THSD7B: variants seen among roughly 807,000 people sequenced by gnomAD.
THSD7B encodes thrombospondin type-1 domain-containing protein 7B.
Under a neutral mutation model 213.6 loss-of-function variants are expected in THSD7B, and 138 were observed. That is an observed-to-expected ratio of 0.65 (90% CI 0.56 to 0.74). The LOEUF (loss-of-function observed/expected upper bound fraction) is 0.74. Among genes scored for constraint, THSD7B ranks in the 30% least tolerant of loss-of-function variants. The pLI is 0.00. For missense variants in THSD7B, 1,931 were observed against 1,991.5 expected (o/e 0.97, Z 0.58); for synonymous variants, 742 against 687.0 (o/e 1.08, Z -1.25).
chr2:137,457,799 T>C (rs13406148), intron 15 of THSD7B, among the ~76,000 whole-genome samples: 33,545 of 152,160 alleles, frequency 0.22, 3,905 homozygotes, highest in South Asian at 0.28. Context: ...ATACTAAATG[T>C]ACCAGAGGAC....
At chr2:137,006,200 T>C (rs1394213253) in intron 2 of THSD7B, among the ~76,000 whole-genome samples, 3 of 152,098 alleles carry the variant, frequency 2.0e-5, no homozygotes, top group African/African-American at 7.2e-5. Context: ...GAGACCATCC[T>C]GGCTAACACG....
chr2:136,976,948 C>T (rs1415598805), intron 2 of THSD7B, among the ~76,000 whole-genome samples: 1 of 151,920 alleles, frequency 6.6e-6, no homozygotes, highest in Non-Finnish European at 1.5e-5. Flanking sequence ...TGTGCCTCTG[C>T]CAGGTTTTGG....
intron 1 of THSD7B, among the ~76,000 whole-genome samples, chr2:136,819,666 C>T (rs970850479): frequency 2.0e-5 from 3 of 151,940 alleles, no homozygotes; most frequent in Non-Finnish European, 4.4e-5. Context: ...GCTAGAGAGG[C>T]TCCTGAGGAC....
intron 1 of THSD7B, among the ~76,000 whole-genome samples, chr2:136,851,988 T>C (rs748190452): frequency 2.6e-5 from 4 of 151,842 alleles, no homozygotes; most frequent in African/African-American, 2.4e-5. Flanking sequence ...AAGACACTCA[T>C]ATCTTATTCC....
chr2:137,120,249 G>T (rs1688523213), intron 5 of THSD7B, among the ~76,000 whole-genome samples: 1 of 152,106 alleles, frequency 6.6e-6, no homozygotes. Context: ...AATCATAGGT[G>T]TAGGAGAAAG....
intron 15 of THSD7B, among the ~76,000 whole-genome samples, chr2:137,491,922 C>G (rs1679418087): frequency 6.6e-6 from 1 of 152,040 alleles, no homozygotes; most frequent in Non-Finnish European, 1.5e-5. Flanking sequence ...TTTATTAAAC[C>G]ATCAGTGATG....
At chr2:137,074,303 C>T (rs921480060) in intron 3 of THSD7B, among the ~76,000 whole-genome samples, 2 of 152,044 alleles carry the variant, frequency 1.3e-5, no homozygotes, top group African/African-American at 2.4e-5. Context: ...GGATAGTTAG[C>T]TCTTCTTGTT....
chr2:137,272,841 A>G (rs917086407), intron 11 of THSD7B, among the ~76,000 whole-genome samples, 179 bp downstream of exon 11: 6 of 152,156 alleles, frequency 3.9e-5, no homozygotes, highest in African/African-American at 1.4e-4. Flanking sequence ...AGGAGTAGAG[A>G]TATGAAAGTC....
At chr2:136,943,056 A>C (rs1468507637) in intron 2 of THSD7B, among the ~76,000 whole-genome samples, 3 of 152,210 alleles carry the variant, frequency 2.0e-5, no homozygotes, top group Non-Finnish European at 4.4e-5. Flanking sequence ...AGTTTTTAGC[A>C]TGAAAGGCTG....
chr2:137,139,439 G>A (rs79893740), intron 5 of THSD7B, among the ~76,000 whole-genome samples: 7,632 of 152,264 alleles, frequency 0.05, 222 homozygotes, highest in East Asian at 0.09. Context: ...GAGCCAATGT[G>A]ATACAGATGC....
At chr2:136,811,416 T>G (rs1006799968) in intron 1 of THSD7B, among the ~76,000 whole-genome samples, 1 of 152,092 alleles carries the variant, frequency 6.6e-6, no homozygotes, top group Non-Finnish European at 1.5e-5. Context: ...CTTCTTGCTT[T>G]GATGCTCTGC....
At chr2:137,538,577 T>C in intron 15 of THSD7B, 1 of 489,918 alleles carries the variant, frequency 2.0e-6, no homozygotes, top group Non-Finnish European at 4.0e-6. Flanking sequence ...AAACCAGCTT[T>C]TTTTCTCTTT....
chr2:137,465,506 A>G (rs1205117561), intron 15 of THSD7B, among the ~76,000 whole-genome samples: 2 of 152,106 alleles, frequency 1.3e-5, no homozygotes, highest in Admixed American at 1.3e-4. Flanking sequence ...TAATGGGCAG[A>G]TAAGACTGAG....
At chr2:137,654,506 TG>T (rs1434170429) in intron 21 of THSD7B, among the ~76,000 whole-genome samples, 1 of 152,060 alleles carries the variant, frequency 6.6e-6, no homozygotes, top group Non-Finnish European at 1.5e-5. Flanking sequence ...CTGAAGATGG[TG>T]GGGAAGCTGG....
chr2:137,020,531 C>T (rs1279866051), intron 2 of THSD7B, among the ~76,000 whole-genome samples: 3 of 152,132 alleles, frequency 2.0e-5, no homozygotes, highest in Non-Finnish European at 4.4e-5. Context: ...ACAGCAAGTT[C>T]GTCTGTGCCA....
At chr2:137,074,661 A>T (rs746363574) in intron 3 of THSD7B, among the ~76,000 whole-genome samples, 1 of 152,092 alleles carries the variant, frequency 6.6e-6, no homozygotes, top group African/African-American at 2.4e-5. Context: ...TCGTTGGTTG[A>T]TGCAGTTTCT....
chr2:137,295,166 T>C (rs776694345), intron 12 of THSD7B, among the ~76,000 whole-genome samples: 2 of 152,148 alleles, frequency 1.3e-5, no homozygotes, highest in Non-Finnish European at 2.9e-5. Flanking sequence ...GGAGTTATTA[T>C]AGAACAACAA....
chr2:136,980,262 G>A (rs1685551339), intron 2 of THSD7B, among the ~76,000 whole-genome samples: 1 of 152,208 alleles, frequency 6.6e-6, no homozygotes, highest in Non-Finnish European at 1.5e-5. Flanking sequence ...CCCGCTTAAA[G>A]AGCAGTCTGG....
chr2:137,305,855 C>T (rs1359156579), intron 12 of THSD7B, among the ~76,000 whole-genome samples: 1 of 152,070 alleles, frequency 6.6e-6, no homozygotes, highest in South Asian at 2.1e-4. Flanking sequence ...CTACTATACA[C>T]CTAAGGCTAT....
Sources: allele counts gnomAD v4.1 joint callset (sites outside exome capture counted in the v4.1 genomes callset), GRCh38; gene constraint gnomAD v4.1.1; transcripts MANE v1.5; gene names NCBI Gene and HGNC (gene_info 2026-07-23, HGNC 2026-07-21).